The following ALMS1 variants were observed in gnomAD, a reference collection of about 807,000 sequenced individuals.
ALMS1 encodes ALMS1 centrosome and basal body associated protein, also known as centrosome-associated protein ALMS1.
A neutral mutation model predicts 352.2 loss-of-function variants in ALMS1; 271 were observed. The observed-to-expected ratio is 0.77, with a 90% CI of 0.70 to 0.85. The LOEUF is 0.85. Among genes scored for constraint, ALMS1 ranks in the 40% least tolerant of loss-of-function variants. The pLI is 0.00. For missense variants in ALMS1, 5,445 were observed against 4,870.7 expected (o/e 1.12, Z -3.51); for synonymous variants, 1,865 against 1,761.2 (o/e 1.06, Z -1.48).
chr2:73,589,889 G>A (rs972384776), intron 16 of ALMS1, among the ~76,000 whole-genome samples: 4 of 152,044 alleles, frequency 2.6e-5, no homozygotes, highest in Non-Finnish European at 4.4e-5. Flanking sequence ...TTACAGGCTC[G>A]TATACTTAAT....
At chr2:73,446,222 C>T (rs1398586630) in intron 7 of ALMS1, among the ~76,000 whole-genome samples, 1 of 152,114 alleles carries the variant, frequency 6.6e-6, no homozygotes, top group Non-Finnish European at 1.5e-5. Flanking sequence ...CTGGATCTTT[C>T]AAGGACCTGG....
At chr2:73,407,783 C>T (rs1163835872) in intron 1 of ALMS1, among the ~76,000 whole-genome samples, 4 of 152,122 alleles carry the variant, frequency 2.6e-5, no homozygotes, top group Non-Finnish European at 5.9e-5. Flanking sequence ...GTCTGGAACT[C>T]CTGACCTCAG....
rs953007590 is a variant in ALMS1 at position 73,508,821 on chromosome 2, C to T, written c.9540-10954C>T. 7.9e-5 allele frequency among the ~76,000 whole-genome samples: 12 copies of T among 152,064 alleles called. 1 individual carries two copies. Among genetic ancestry groups the T allele is most frequent in the African/African-American group, 2.9e-4 (12 of 41,388 alleles). On this transcript the variant is annotated intron_variant, in intron 10 of 22. Transcript: ENST00000613296. ...GATTTGTCTAATATTGACAATGGGG[C>T]TTTAAAGTCTCCCACTATTACCGTG...
At chr2:73,522,447 C>G (rs1673701140) in intron 11 of ALMS1, among the ~76,000 whole-genome samples, 1 of 147,782 alleles carries the variant, frequency 6.8e-6, no homozygotes, top group African/African-American at 2.5e-5. Context: ...CCTAAGTTGT[C>G]TCAGACTAAG....
chr2:73,574,948 G>A (rs959086088), intron 16 of ALMS1, among the ~76,000 whole-genome samples: 1 of 152,000 alleles, frequency 6.6e-6, no homozygotes, highest in Non-Finnish European at 1.5e-5. Context: ...CCAGCCCCCG[G>A]CAACCAGTAA....
At chr2:73,494,192 A>G (rs956993771) in intron 10 of ALMS1, among the ~76,000 whole-genome samples, 10 of 152,290 alleles carry the variant, frequency 6.6e-5, no homozygotes, top group African/African-American at 1.7e-4. Flanking sequence ...TCTTTTTGTA[A>G]CCTACCCTTG....
chr2:73,528,450 G>A (rs1400465388), intron 11 of ALMS1, among the ~76,000 whole-genome samples: 1 of 152,166 alleles, frequency 6.6e-6, no homozygotes, highest in East Asian at 1.9e-4. Flanking sequence ...TCCTCTTGCT[G>A]AATTGACCTC....
intron 15 of ALMS1, among the ~76,000 whole-genome samples, chr2:73,565,729 A>G (rs952640162): frequency 6.6e-6 from 1 of 152,210 alleles, no homozygotes; most frequent in African/African-American, 2.4e-5. Flanking sequence ...GTAATGAGAA[A>G]TATATTTTAA....
intron 16 of ALMS1, among the ~76,000 whole-genome samples, chr2:73,587,102 C>A (rs1675330021): frequency 6.6e-6 from 1 of 152,100 alleles, no homozygotes; most frequent in Non-Finnish European, 1.5e-5. Context: ...CATAGCAGTG[C>A]TACTGATTTG....
chr2:73,509,042 A>C (rs1391943782), intron 10 of ALMS1, among the ~76,000 whole-genome samples: 1 of 146,472 alleles, frequency 6.8e-6, no homozygotes, highest in Non-Finnish European at 1.5e-5. Flanking sequence ...TAGGATTTCA[A>C]CCCCTGTTTT....
intron 10 of ALMS1, 71 bp from the exon 11 acceptor site, chr2:73,519,704 T>A (rs911138794): frequency 8.7e-6 from 14 of 1,602,650 alleles, no homozygotes; most frequent in Non-Finnish European, 1.1e-5. Context: ...TTGAAACCAC[T>A]TTTGGAAAGA....
chr2:73,511,890 C>G (rs1172710849), intron 10 of ALMS1, among the ~76,000 whole-genome samples: 4 of 152,092 alleles, frequency 2.6e-5, no homozygotes, highest in African/African-American at 9.7e-5. Flanking sequence ...AGAAACTGCA[C>G]TAGGATTAAG....
chr2:73,572,493 A>G lies in ALMS1; in HGVS notation c.10616A>G (p.Lys3539Arg). 6.2e-7 allele frequency: 1 copy of G among 1,613,980 alleles called. No individual in the cohort carries two copies. Among genetic ancestry groups the G allele is most frequent in the Non-Finnish European group, 8.5e-7 (1 of 1,179,992 alleles). ...CCTTATCAAAACATGGACAAGACTA[A>G]GACAGATTATACCAGAATAAAGAGC... ...PLPYQNMDKT[K>R]TDYTRIKSLS... The change falls in exon 16 of 23, where the codon AAG (lysine) becomes AGG (arginine). Residue 3539 changes from lysine to arginine, a missense_variant. Coordinates refer to ENST00000613296, the MANE Select transcript of ALMS1 (RefSeq NM_001378454.1).
chr2:73,598,344 A>T (rs1220301088), intron 16 of ALMS1, among the ~76,000 whole-genome samples: 1 of 152,126 alleles, frequency 6.6e-6, no homozygotes, highest in African/African-American at 2.4e-5. Flanking sequence ...AAATCTGCTC[A>T]TCTTTTTTTT....
chr2:73,540,576 G>A (rs1385995247), intron 12 of ALMS1, among the ~76,000 whole-genome samples: 3 of 152,128 alleles, frequency 2.0e-5, no homozygotes, highest in Non-Finnish European at 4.4e-5. Flanking sequence ...GACACAGACT[G>A]GCAAATTGGA....
At chr2:73,436,505 C>A (rs983250485) in intron 7 of ALMS1, among the ~76,000 whole-genome samples, 2 of 152,178 alleles carry the variant, frequency 1.3e-5, no homozygotes, top group Non-Finnish European at 2.9e-5. Flanking sequence ...TCATCTCTTG[C>A]ATCACAGTCC....
chr2:73,522,467 C>CTTTTTTT (rs137919148), intron 11 of ALMS1, among the ~76,000 whole-genome samples: 1 of 106,754 alleles, frequency 9.4e-6, no homozygotes, highest in Non-Finnish European at 1.8e-5. Flanking sequence ...GGTTGAGGTC[C>CTTTTTTT]TTTTTTTTTT....
chr2:73,555,945 C>T (rs979039207), intron 13 of ALMS1, among the ~76,000 whole-genome samples: 1 of 152,046 alleles, frequency 6.6e-6, no homozygotes, highest in African/African-American at 2.4e-5. Flanking sequence ...ACTTGCAAAA[C>T]AATGCTGTAC....
chr2:73,424,582 T>G lies in ALMS1; in HGVS notation c.917T>G (p.Val306Gly). 6.2e-7 allele frequency: 1 copy of G among 1,614,010 alleles called. No homozygotes were observed. Among genetic ancestry groups the G allele is most frequent in the Non-Finnish European group, 8.5e-7 (1 of 1,180,008 alleles). The change falls in exon 5 of 23, where the codon GTT (valine) becomes GGT (glycine). Residue 306 changes from valine to glycine, a missense_variant. Coordinates refer to ENST00000613296, the MANE Select transcript of ALMS1 (RefSeq NM_001378454.1). The stretch of plus-strand genomic sequence containing the variant: ...CACCCGCTTATAGGCAGCACAGCTG[T>G]TGGGTCTCAGTGCCCTTTTTTACCT... ...SQHPLIGSTA[V>G]GSQCPFLPSE...
Sources: allele counts gnomAD v4.1 joint callset (sites outside exome capture counted in the v4.1 genomes callset), GRCh38; gene constraint gnomAD v4.1.1; transcripts MANE v1.5; gene names NCBI Gene and HGNC (gene_info 2026-07-23, HGNC 2026-07-21).